Variants in LINGO2 observed in about 807,000 individuals in gnomAD.
LINGO2 encodes the protein leucine rich repeat and Ig domain containing 2.
LINGO2 carries 14 observed loss-of-function variants against 30.6 expected under a neutral mutation model. The observed-to-expected ratio is 0.46, with a 90% confidence interval of 0.30 to 0.72. The LOEUF (loss-of-function observed/expected upper bound fraction) is 0.72, where lower values mean the gene tolerates loss of function less well. Ranked by LOEUF, LINGO2 falls within the 30% of genes least tolerant of loss-of-function variation. LINGO2 has a pLI of 0.07. For missense variants in LINGO2, 729 were observed against 751.7 expected, an observed-to-expected ratio of 0.97 and a Z score of 0.35; for synonymous variants, 317 against 288.5, an observed-to-expected ratio of 1.10 and a Z score of -1.00.
chr9:28,652,880 G>A (rs1042604133), intron 1 of LINGO2, among the ~76,000 whole-genome samples: 1 of 151,952 alleles, frequency 6.6e-6, no homozygotes, highest in Non-Finnish European at 1.5e-5. Flanking sequence ...AAGCCTCATA[G>A]TGAGACACCA....
intron 1 of LINGO2, among the ~76,000 whole-genome samples, chr9:28,562,949 C>G (rs1038212934): frequency 2.0e-5 from 3 of 152,018 alleles, no homozygotes; most frequent in South Asian, 2.1e-4. Flanking sequence ...CGGGTTCAAG[C>G]GATTATCCTG....
intron 4 of LINGO2, among the ~76,000 whole-genome samples, chr9:28,054,025 G>A (rs529729714): frequency 5.9e-5 from 9 of 151,902 alleles, no homozygotes; most frequent in African/African-American, 2.2e-4. Flanking sequence ...ATGCAATTCT[G>A]CATCTACAGA....
chr9:28,753,061 G>C, the LINGO2 span, among the ~76,000 whole-genome samples: 6 of 151,884 alleles, frequency 4.0e-5, no homozygotes, highest in East Asian at 7.7e-4. Context: ...TTTTTTTATG[G>C]TATTATCAGC....
chr9:28,210,693 C>T (rs539743969), intron 4 of LINGO2, among the ~76,000 whole-genome samples: 44 of 151,702 alleles, frequency 2.9e-4, no homozygotes, highest in Non-Finnish European at 5.6e-4. Context: ...AGAAGAAAGC[C>T]ACTAGGTGTA....
At chr9:28,609,754 T>C (rs1296305861) in intron 1 of LINGO2, among the ~76,000 whole-genome samples, 1 of 152,120 alleles carries the variant, frequency 6.6e-6, no homozygotes, top group Non-Finnish European at 1.5e-5. Flanking sequence ...TTATTTGTCA[T>C]AGATAGTTAT....
In LINGO2 at chr9:28,371,498, C is replaced by G. The variant is rs908608955; in HGVS notation, c.-246+1338G>C. 2.0e-5 allele frequency among the ~76,000 whole-genome samples: 3 copies of G among 152,258 alleles called. No individual in the cohort carries two copies. In the East Asian group the frequency reaches 5.8e-4, roughly 29 times the overall value. Reference sequence around the variant, plus strand: ...CTCCCTTGGGCCTCTTTTATAAGGGCACTAATCCCTTTCGTGATTCATGAA... The same window carrying G: ...CTCCCTTGGGCCTCTTTTATAAGGGGACTAATCCCTTTCGTGATTCATGAA... On this transcript the variant is annotated intron_variant, in intron 3 of 5. Transcript: ENST00000379992.
intron 4 of LINGO2, among the ~76,000 whole-genome samples, chr9:28,031,868 G>A (rs1044743091): frequency 4.6e-5 from 7 of 152,094 alleles, no homozygotes; most frequent in Admixed American, 6.6e-5. Flanking sequence ...GTAAAACCAC[G>A]CTTCACCATG....
the LINGO2 span, among the ~76,000 whole-genome samples, chr9:29,097,318 T>C: frequency 1.7e-4 from 24 of 138,688 alleles, 3 homozygotes; most frequent in Non-Finnish European, 3.6e-4. Flanking sequence ...TTTTAATCTT[T>C]TTTTGATGAT....
At chr9:27,990,461 T>TGC (rs1554650603) in intron 5 of LINGO2, among the ~76,000 whole-genome samples, 1 of 33,466 alleles carries the variant, frequency 3.0e-5, no homozygotes, top group South Asian at 1.9e-3. Flanking sequence ...GTGGTCTCAA[T>TGC]ACCCCCCCCC....
the LINGO2 span, among the ~76,000 whole-genome samples, chr9:28,780,458 C>T: frequency 5.9e-5 from 9 of 152,042 alleles, no homozygotes; most frequent in African/African-American, 1.9e-4. Context: ...AACAGCTTAG[C>T]ACTATGTGGC....
intron 4 of LINGO2, among the ~76,000 whole-genome samples, chr9:28,015,800 T>C (rs906408701): frequency 3.3e-5 from 5 of 152,228 alleles, no homozygotes; most frequent in Middle Eastern, 3.4e-3. Context: ...TTAATGTTAA[T>C]AATTTTTAGT....
At chr9:28,861,200 T>A in the LINGO2 span, among the ~76,000 whole-genome samples, 2 of 116,106 alleles carry the variant, frequency 1.7e-5, no homozygotes, top group African/African-American at 7.1e-5. Context: ...TTTTATATAT[T>A]ATATATTTTT....
intron 3 of LINGO2, among the ~76,000 whole-genome samples, chr9:28,334,981 C>A (rs970465678): frequency 6.6e-6 from 1 of 152,032 alleles, no homozygotes; most frequent in Admixed American, 6.6e-5. Flanking sequence ...GAGATAGAGG[C>A]CAGGGTTAGA....
chr9:27,996,366 A>G (rs1280980766), intron 5 of LINGO2, among the ~76,000 whole-genome samples: 1 of 152,204 alleles, frequency 6.6e-6, no homozygotes, highest in Non-Finnish European at 1.5e-5. Flanking sequence ...TATAATAGCC[A>G]AAATATAGAC....
the LINGO2 span, among the ~76,000 whole-genome samples, chr9:28,822,195 C>T: frequency 2.6e-5 from 4 of 152,120 alleles, no homozygotes; most frequent in Non-Finnish European, 5.9e-5. Flanking sequence ...GCATACTCAA[C>T]CAAAGTTAAC....
At chr9:28,911,466 A>AT in the LINGO2 span, among the ~76,000 whole-genome samples, 2 of 151,966 alleles carry the variant, frequency 1.3e-5, no homozygotes, top group Non-Finnish European at 2.9e-5. Context: ...ATCAACATCC[A>AT]TTTTTTTCCT....
At chr9:29,025,108 T>G in the LINGO2 span, among the ~76,000 whole-genome samples, 1 of 151,814 alleles carries the variant, frequency 6.6e-6, no homozygotes, top group African/African-American at 2.4e-5. Flanking sequence ...GATTGCAATC[T>G]GTTTTTCAAA....
At chr9:29,118,784 C>A in the LINGO2 span, among the ~76,000 whole-genome samples, 1 of 152,166 alleles carries the variant, frequency 6.6e-6, no homozygotes, top group Non-Finnish European at 1.5e-5. Context: ...CAGGTCCCAA[C>A]TGTGGATCCT....
At chr9:29,144,667 T>C in the LINGO2 span, among the ~76,000 whole-genome samples, 2 of 152,112 alleles carry the variant, frequency 1.3e-5, no homozygotes, top group East Asian at 3.9e-4. Flanking sequence ...CTCTTCCTCA[T>C]ATCACCAGTT....
Sources: allele counts gnomAD v4.1 joint callset (sites outside exome capture counted in the v4.1 genomes callset), GRCh38; gene constraint gnomAD v4.1.1; transcripts MANE v1.5; gene names NCBI Gene and HGNC (gene_info 2026-07-23, HGNC 2026-07-21).